DCBLD2: variants seen among roughly 807,000 people sequenced by gnomAD.
DCBLD2 encodes the protein discoidin, CUB and LCCL domain-containing protein 2.
A neutral mutation model predicts 86.8 loss-of-function variants in DCBLD2; 54 were observed. The observed-to-expected ratio is 0.62, with a 90% CI of 0.50 to 0.78. The LOEUF (loss-of-function observed/expected upper bound fraction) is 0.78. Among genes scored for constraint, DCBLD2 ranks in the 30% least tolerant of loss-of-function variants. DCBLD2 has a pLI of 0.00. For missense variants in DCBLD2, 908 were observed against 954.2 expected (o/e 0.95, Z 0.64); for synonymous variants, 354 against 341.3 (o/e 1.04, Z -0.41).
At chr3:98,863,879 C>G (rs1045742997) in intron 2 of DCBLD2, among the ~76,000 whole-genome samples, 3 of 152,124 alleles carry the variant, frequency 2.0e-5, no homozygotes, top group African/African-American at 7.2e-5. Flanking sequence ...AACTAAAGAG[C>G]TTCTGCACAG....
intron 1 of DCBLD2, among the ~76,000 whole-genome samples, chr3:98,899,457 G>A (rs1388537026): frequency 6.6e-6 from 1 of 151,796 alleles, no homozygotes; most frequent in Non-Finnish European, 1.5e-5. Flanking sequence ...TCACCATGTT[G>A]GTCAGGATGG....
At chr3:98,848,292 A>C (rs1258475720) in intron 3 of DCBLD2, among the ~76,000 whole-genome samples, 1 of 152,240 alleles carries the variant, frequency 6.6e-6, no homozygotes, top group African/African-American at 2.4e-5. Context: ...ATGTCCCTGC[A>C]AAGAACATCT....
chr3:98,851,938 G>A lies in DCBLD2; in HGVS notation c.434-2340C>T, dbSNP rs544480910. ...ACACCTTATACAAAAATTAACTCAA[G>A]ATGGATTAAAGACTTAAACGTAAGA... On this transcript the variant is annotated intron_variant, in intron 2 of 15. Transcript: ENST00000326840. 2.6e-5 allele frequency among the ~76,000 whole-genome samples: 4 copies of A among 152,270 alleles called. No individual in the cohort carries two copies. In the South Asian group the frequency reaches 8.3e-4, roughly 32 times the overall value.
chr3:98,801,524 C>CT, intron 14 of DCBLD2, 76 bp downstream of exon 14: 3 of 1,222,514 alleles, frequency 2.5e-6, no homozygotes, highest in South Asian at 2.9e-5. Flanking sequence ...GAGAATGACT[C>CT]TTTTTTCACT....
rs1304245673 is a variant in DCBLD2, at chr3:98,897,721, A to G, written c.205+3401T>C. On this transcript the variant is annotated intron_variant, in intron 1 of 15. Coordinates refer to ENST00000326840, the MANE Select transcript of DCBLD2 (RefSeq NM_080927.4). ...AGATTAAATTAGCAAAGAAAAACTA[A>G]TATCTTCACAACATGTTATATATTA... 2.0e-5 allele frequency among the ~76,000 whole-genome samples: 3 copies of G among 152,132 alleles called. No homozygotes were observed. The East Asian group carries it at 5.8e-4, about 29-fold the overall frequency.
At chr3:98,869,523 A>T (rs1466516585) in intron 2 of DCBLD2, among the ~76,000 whole-genome samples, 1 of 152,074 alleles carries the variant, frequency 6.6e-6, no homozygotes, top group African/African-American at 2.4e-5. Context: ...AATATCCAGA[A>T]TTTTTCCTAG....
At chr3:98,844,080 A>G (rs1411300596) in intron 3 of DCBLD2, among the ~76,000 whole-genome samples, 1 of 128,188 alleles carries the variant, frequency 7.8e-6, no homozygotes, top group Non-Finnish European at 1.7e-5. Context: ...TATGGTACAT[A>G]TGAATAAATG....
rs2107538833 is a variant in DCBLD2 at position 98,900,885 on chromosome 3, A to T, written c.205+237T>A. ...AACGAGGCTTTCATAGCAGGGTCTC[A>T]CGTCCCCCTTTCAGAAAAATAAATG... is the stretch of plus-strand genomic sequence containing the variant. On this transcript the variant is annotated intron_variant, in intron 1 of 15. Coordinates refer to ENST00000326840, the MANE Select transcript of DCBLD2 (RefSeq NM_080927.4). 3 of 647,296 alleles carry T rather than the reference A, an allele frequency of 4.6e-6. No individual in the cohort carries two copies. The East Asian group carries it at 9.2e-5, about 20-fold the overall frequency. The allele number at this position is 647,296 out of a possible 1,614,324, so 40.1% of individuals were successfully genotyped here. A position where few individuals can be genotyped will look rare whatever the true frequency, so the allele number is the denominator to read the frequency against.
chr3:98,889,929 A>G (rs1943629413), intron 1 of DCBLD2, among the ~76,000 whole-genome samples: 2 of 152,012 alleles, frequency 1.3e-5, no homozygotes, highest in Admixed American at 1.3e-4. Flanking sequence ...CTAAAAACAC[A>G]CAAAACCTCC....
chr3:98,893,106 A>C (rs1943691368), intron 1 of DCBLD2, among the ~76,000 whole-genome samples: 3 of 152,310 alleles, frequency 2.0e-5, no homozygotes, highest in Middle Eastern at 6.8e-3. Flanking sequence ...TGGAAAAGTG[A>C]GTCTTAGTGG....
chr3:98,901,109 T>G lies in DCBLD2; in HGVS notation c.205+13A>C, dbSNP rs1319269633. ...GAGGTTCCCCCGCCGCTCACTCCCC[T>G]GGGACCACTCACCTTGCTGGGCTCC... On this transcript the variant is annotated intron_variant, in intron 1 of 15. Transcript: ENST00000326840. The G allele has an allele frequency of 1.9e-6, 3 of 1,539,274 alleles. No individual in the cohort carries two copies. In the Admixed American group the frequency reaches 5.9e-5, roughly 30 times the overall value.
intron 2 of DCBLD2, among the ~76,000 whole-genome samples, chr3:98,867,278 A>G: frequency 6.6e-6 from 1 of 152,196 alleles, no homozygotes. Context: ...ATGGCATTGA[A>G]TCTATAAATT....
In DCBLD2 at chr3:98,833,941, G is replaced by C. The variant is rs141806551; in HGVS notation, c.572-8575C>G. On this transcript the variant is annotated intron_variant, in intron 3 of 15. Transcript: ENST00000326840. The stretch of plus-strand genomic sequence containing the variant: ...ACTTGCCCAGTGAGGAGATATGGGA[G>C]TGGAGACCCATGTAAGAAACAGTCT... Among the ~76,000 whole-genome samples, 12 of 152,322 alleles carry C rather than the reference G, an allele frequency of 7.9e-5. No individual in the cohort carries two copies. In the East Asian group the frequency reaches 1.9e-3, roughly 25 times the overall value.
chr3:98,888,762 G>A (rs1256465271), intron 1 of DCBLD2, among the ~76,000 whole-genome samples: 1 of 151,960 alleles, frequency 6.6e-6, no homozygotes, highest in East Asian at 1.9e-4. Flanking sequence ...AAAGCTTCTA[G>A]TGTCTTGTAG....
chr3:98,890,785 C>A (rs920069949), intron 1 of DCBLD2, among the ~76,000 whole-genome samples: 5 of 152,040 alleles, frequency 3.3e-5, no homozygotes, highest in African/African-American at 1.2e-4. Context: ...TTACTACCAG[C>A]TGTTGATGTT....
intron 3 of DCBLD2, among the ~76,000 whole-genome samples, chr3:98,846,115 A>T (rs1219524500): frequency 1.3e-5 from 2 of 152,196 alleles, no homozygotes; most frequent in African/African-American, 4.8e-5. Context: ...GAAATAAGGA[A>T]TCAAAAGGAA....
intron 3 of DCBLD2, among the ~76,000 whole-genome samples, chr3:98,837,071 C>T (rs1224509481): frequency 1.9e-4 from 5 of 25,902 alleles, no homozygotes; most frequent in African/African-American, 7.0e-4. Context: ...ATCTCCCTCC[C>T]GGACGGGGCG....
At chr3:98,878,481 G>GA (rs747196845) in intron 2 of DCBLD2, among the ~76,000 whole-genome samples, 4 of 148,990 alleles carry the variant, frequency 2.7e-5, no homozygotes, top group Non-Finnish European at 6.0e-5. Flanking sequence ...GGGGCACTGA[G>GA]AAAACATGAT....
At chr3:98,844,551 C>T (rs1425653678) in intron 3 of DCBLD2, among the ~76,000 whole-genome samples, 1 of 151,996 alleles carries the variant, frequency 6.6e-6, no homozygotes, top group Admixed American at 6.6e-5. Context: ...TTAGTAAAGA[C>T]AGGTTTTCAT....
Sources: gnomAD v4.1 joint callset for allele counts (sites outside exome capture counted in the v4.1 genomes callset) on GRCh38, gnomAD v4.1.1 for gene constraint, MANE v1.5 for transcripts, NCBI Gene and HGNC (gene_info 2026-07-23, HGNC 2026-07-21) for gene names.